Variants in KRT4 observed in about 807,000 individuals in gnomAD.
KRT4 encodes keratin 4.
Under a neutral mutation model 50.6 loss-of-function variants are expected in KRT4, and 47 were observed. The observed-to-expected ratio is 0.93, with a 90% CI of 0.73 to 1.18. KRT4 has a LOEUF of 1.18. Among genes scored for constraint, KRT4 ranks in the 50% most tolerant of loss-of-function variants. The pLI, the probability that KRT4 is intolerant of heterozygous loss-of-function variation, is 0.00. For missense variants in KRT4, 651 were observed against 645.7 expected (o/e 1.01, Z -0.09); for synonymous variants, 254 against 251.2 (o/e 1.01, Z -0.10).
chr12:52,808,410 G>A lies in KRT4; in HGVS notation c.1009C>T (p.Leu337Phe), dbSNP rs1248063966. The A allele has an allele frequency of 1.2e-6, 2 of 1,613,726 alleles. No homozygotes were observed. Among genetic ancestry groups the A allele is most frequent in the Non-Finnish European group, 1.7e-6 (2 of 1,180,036 alleles). The change falls in exon 6 of 9, where the codon CTC (leucine) becomes TTC (phenylalanine). Residue 337 changes from leucine (L) to phenylalanine (F), a missense_variant. Leu to Phe is a conservative substitution (Grantham distance 22). Coordinates refer to ENST00000551956, the MANE Select transcript of KRT4 (RefSeq NM_002272.4). ...CCATGTTGGTCAACCGAGATCTGGAGCTGCTGGACCTAAGACTCAAGAAGA... is the reference window on the plus strand; with the variant it reads ...CCATGTTGGTCAACCGAGATCTGGAACTGCTGGACCTAAGACTCAAGAAGA... ...EALYQTKVQQ[L>F]QISVDQHGDN... is the part of the protein sequence containing the mutation.
At chr12:52,807,936 C>G (rs1592309258) in intron 6 of KRT4, 72 bp from the exon 7 acceptor site, 11 of 1,338,626 alleles carry the variant, frequency 8.2e-6, no homozygotes, top group Non-Finnish European at 1.1e-5. Flanking sequence ...GTCCCCTCCC[C>G]TGGTCCAGCT....
Position 52,808,366 on chromosome 12 carries a change from G to T in KRT4, c.1053C>A (p.Thr351=), listed in dbSNP as rs1215576133. The change falls in exon 6 of 9, where the codon ACC becomes ACA. Residue 351 remains threonine (T), a synonymous_variant. Transcript: ENST00000551956. ...TGTTGAGCTCTGCAATTTCACTCTT[G>T]GTGTTCTTCAGGTTGTCACCATGTT... The part of the protein sequence containing the change: ...VDQHGDNLKN[T]KSEIAELNRM... 41 of 1,614,062 alleles carry T rather than the reference G, an allele frequency of 2.5e-5. No homozygotes were observed. The highest frequency in any genetic ancestry group is 3.3e-5 in the Non-Finnish European group (39 of 1,180,012).
At chr12:52,810,551 A>T (rs1482524590) in intron 3 of KRT4, among the ~76,000 whole-genome samples, 1 of 152,144 alleles carries the variant, frequency 6.6e-6, no homozygotes, top group Non-Finnish European at 1.5e-5. Context: ...CCATCTCAAA[A>T]AAAAAAGCAA....
chr12:52,807,282 C>G, intron 8 of KRT4, 32 bp from the exon 9 acceptor site: 3 of 1,614,168 alleles, frequency 1.9e-6, no homozygotes, highest in Non-Finnish European at 2.5e-6. Context: ...CACAGTTATT[C>G]CAATGCTGCC....
chr12:52,811,288 C>G (rs996488472), intron 2 of KRT4, among the ~76,000 whole-genome samples: 1 of 152,144 alleles, frequency 6.6e-6, no homozygotes, highest in African/African-American at 2.4e-5. Context: ...CTGAAATATG[C>G]CACATGCTTT....
rs1445050793 is a variant in KRT4, at chr12:52,807,771, C to T, written c.1219G>A (p.Ala407Thr). 2 of 1,614,106 alleles carry T rather than the reference C, an allele frequency of 1.2e-6. No homozygotes were observed. The highest frequency in any genetic ancestry group is 2.7e-5 in the African/African-American group (2 of 74,946). The change falls in exon 7 of 9, where the codon GCC (alanine) becomes ACC (threonine). Residue 407 changes from alanine to threonine, a missense_variant. Ala to Thr is a moderately conservative substitution (Grantham distance 58, BLOSUM62 0). Coordinates refer to ENST00000551956, the MANE Select transcript of KRT4 (RefSeq NM_002272.4). Reference sequence around the variant, plus strand: ...AGCTCCTCCTTGGCCTGCTGCAGGGCAGCCTCCAGCTCTACGCGCTTGCTG... The same window carrying T: ...AGCTCCTCCTTGGCCTGCTGCAGGGTAGCCTCCAGCTCTACGCGCTTGCTG... Reference protein sequence around the residue: ...AHSKRVELEAALQQAKEELAR... With the variant: ...AHSKRVELEATLQQAKEELAR...
At chr12:52,812,639 G>A (rs1211844826) in intron 1 of KRT4, among the ~76,000 whole-genome samples, 2 of 152,102 alleles carry the variant, frequency 1.3e-5, no homozygotes, top group Non-Finnish European at 2.9e-5. Context: ...AAGGCAGACC[G>A]ATCACATTTT....
chr12:52,807,588 G>A, intron 7 of KRT4, 56 bp downstream of exon 7: 2 of 1,584,876 alleles, frequency 1.3e-6, no homozygotes, highest in South Asian at 2.2e-5. Context: ...GCATAAATAA[G>A]CTCATGGCCC....
intron 3 of KRT4, among the ~76,000 whole-genome samples, chr12:52,809,946 T>C (rs1939879924): frequency 1.3e-5 from 2 of 152,124 alleles, no homozygotes; most frequent in South Asian, 4.1e-4. Flanking sequence ...AATTATGTCT[T>C]TTTGCAGCAA....
At chr12:52,811,301 C>T in intron 2 of KRT4, 1 of 253,268 alleles carries the variant, frequency 3.9e-6, no homozygotes, top group Non-Finnish European at 7.7e-6. Flanking sequence ...CATGCTTTCT[C>T]TATTTCATTT....
chr12:52,813,261 A>G (rs1036361921), intron 1 of KRT4, among the ~76,000 whole-genome samples: 1 of 152,190 alleles, frequency 6.6e-6, no homozygotes, highest in Non-Finnish European at 1.5e-5. Flanking sequence ...TAACTGCATT[A>G]TATTCAAAAC....
At chr12:52,810,679 C>A in intron 3 of KRT4, 77 bp downstream of exon 3, 1 of 1,209,934 alleles carries the variant, frequency 8.3e-7, no homozygotes, top group Non-Finnish European at 1.2e-6. Flanking sequence ...TGGACCAAAC[C>A]CATGACTTCA....
intron 1 of KRT4, 31 bp from the exon 2 acceptor site, chr12:52,812,008 G>A (rs898190290): frequency 1.9e-6 from 3 of 1,573,566 alleles, no homozygotes; most frequent in African/African-American, 2.7e-5. Flanking sequence ...GCCAAGTGAT[G>A]AGGGCCTGAA....
At chr12:52,808,229 C>T (rs1939836189) in intron 6 of KRT4, 65 bp downstream of exon 6, 11 of 1,591,154 alleles carry the variant, frequency 6.9e-6, no homozygotes, top group Admixed American at 6.7e-5. Context: ...TCTGCTTGTC[C>T]ACTCTGGAGA....
In KRT4 at chr12:52,811,745, T is replaced by G. The variant is rs751591495; in HGVS notation, c.677+18A>C. Reference sequence around the variant, plus strand: ...GGCACATGTGTCAGATGGCGTCCCCTCCTTCCTCCCCATGTACTTAGTCTT... The same window carrying G: ...GGCACATGTGTCAGATGGCGTCCCCGCCTTCCTCCCCATGTACTTAGTCTT... On this transcript the variant is annotated intron_variant, in intron 2 of 8. Coordinates refer to ENST00000551956, the MANE Select transcript of KRT4 (RefSeq NM_002272.4). 10 of 1,601,836 alleles carry G rather than the reference T, an allele frequency of 6.2e-6. No homozygotes were observed. In the South Asian group the frequency reaches 7.7e-5, roughly 12 times the overall value.
chr12:52,808,940 A>G (rs573632614), intron 4 of KRT4, 90 bp from the exon 5 acceptor site: 2 of 1,371,826 alleles, frequency 1.5e-6, no homozygotes, highest in East Asian at 2.3e-5. Flanking sequence ...GGCATTCACA[A>G]TGTGTAGGAA....
Position 52,811,614 on chromosome 12 carries a change from G to A in KRT4, c.677+149C>T, listed in dbSNP as rs760061128. ...TTACCAGACCTCACCCTGAGAAAAC[G>A]TGACTATGTGGATGTAGCAAAACAG... is the stretch of plus-strand genomic sequence containing the variant. On this transcript the variant is annotated intron_variant, in intron 2 of 8. Coordinates refer to ENST00000551956, the MANE Select transcript of KRT4 (RefSeq NM_002272.4). The A allele has an allele frequency of 3.3e-5, 22 of 675,758 alleles. 1 individual carries two copies. Among genetic ancestry groups the A allele is most frequent in the South Asian group, 1.9e-4 (11 of 58,284 alleles). The allele number at this position is 675,758 out of a possible 1,614,324, so 41.9% of individuals were successfully genotyped here. A position where few individuals can be genotyped will look rare whatever the true frequency, so the allele number is the denominator to read the frequency against.
Position 52,813,786 on chromosome 12 carries a change from G to A in KRT4, c.273C>T (p.Gly91=), listed in dbSNP as rs771784831. The A allele has an allele frequency of 3.9e-6, 1 of 255,446 alleles. No homozygotes were observed. Among genetic ancestry groups the A allele is most frequent in the Non-Finnish European group, 5.5e-6 (1 of 180,478 alleles). The allele number at this position is 255,446 out of a possible 1,614,324, so 15.8% of individuals were successfully genotyped here. The part of the protein sequence containing the change: ...GTGGFGGGFG[G]SFSGKGGPGF... ...CAGGGCCACCCTTACCACTGAAGGA[G>A]CCCCCAAATCCACCACCAAAGCCAC... The change falls in exon 1 of 9, where the codon GGC becomes GGT. Residue 91 remains glycine, a synonymous_variant. Coordinates refer to ENST00000551956, the MANE Select transcript of KRT4 (RefSeq NM_002272.4).
intron 3 of KRT4, 38 bp from the exon 4 acceptor site, chr12:52,809,516 G>A (rs368110414): frequency 6.9e-6 from 10 of 1,450,980 alleles, no homozygotes; most frequent in Non-Finnish European, 8.7e-6. Context: ...TGAGGAGCAG[G>A]AATGCCAGTA....
Sources: gnomAD v4.1 joint callset for allele counts (sites outside exome capture counted in the v4.1 genomes callset) on GRCh38, gnomAD v4.1.1 for gene constraint, MANE v1.5 for transcripts, NCBI Gene and HGNC (gene_info 2026-07-23, HGNC 2026-07-21) for gene names.